The following GABRG3 variants were observed in gnomAD, a reference collection of about 807,000 sequenced individuals.
GABRG3 encodes the protein gamma-aminobutyric acid type A receptor subunit gamma3.
In GABRG3, 25 loss-of-function variants were observed where a neutral mutation model predicts 48.8. The ratio of observed to expected loss-of-function variants is 0.51; its 90% CI spans 0.37 to 0.72. GABRG3 has a LOEUF of 0.72. Among genes scored for constraint, GABRG3 ranks in the 30% least tolerant of loss-of-function variants. The pLI is 0.00. For missense variants in GABRG3, 394 were observed against 577.9 expected (o/e 0.68, Z 3.26); for synonymous variants, 227 against 217.6 (o/e 1.04, Z -0.38).
chr15:27,207,818 C>T (rs1355006268), intron 3 of GABRG3, among the ~76,000 whole-genome samples: 1 of 152,200 alleles, frequency 6.6e-6, no homozygotes, highest in Non-Finnish European at 1.5e-5. Flanking sequence ...ACCTCCTGCC[C>T]TGGCCACTGA....
At chr15:27,227,697 A>AG (rs1305830851) in intron 3 of GABRG3, among the ~76,000 whole-genome samples, 2 of 151,990 alleles carry the variant, frequency 1.3e-5, no homozygotes, top group Non-Finnish European at 2.9e-5. Flanking sequence ...GAAAAAAAAA[A>AG]GAAAACAACC....
chr15:27,440,387 C>T (rs1420247892), intron 5 of GABRG3, among the ~76,000 whole-genome samples: 1 of 152,114 alleles, frequency 6.6e-6, no homozygotes, highest in Non-Finnish European at 1.5e-5. Flanking sequence ...CCTTTTTTCT[C>T]CACCAAGCTA....
chr15:27,142,654 TG>T (rs1253293043), intron 3 of GABRG3, among the ~76,000 whole-genome samples: 1 of 152,216 alleles, frequency 6.6e-6, no homozygotes, highest in Non-Finnish European at 1.5e-5. Flanking sequence ...CTTTTCCCCT[TG>T]GTCAAATTTA....
intron 3 of GABRG3, among the ~76,000 whole-genome samples, chr15:27,130,908 GT>G (rs1224367956): frequency 2.4e-4 from 37 of 151,964 alleles, no homozygotes; most frequent in East Asian, 1.7e-3. Flanking sequence ...GTCCTAACAG[GT>G]TTTTTTCTTT....
chr15:27,530,805 G>A (rs1299560968), intron 9 of GABRG3: 1 of 442,822 alleles, frequency 2.3e-6, no homozygotes, highest in East Asian at 7.1e-5. Context: ...CACATAGCAA[G>A]GGACTACACA....
intron 5 of GABRG3, among the ~76,000 whole-genome samples, chr15:27,403,677 G>C (rs1213217213): frequency 6.6e-6 from 1 of 152,092 alleles, no homozygotes; most frequent in African/African-American, 2.4e-5. Context: ...CGCTTTGGGA[G>C]GCCGAGGTGG....
intron 3 of GABRG3, among the ~76,000 whole-genome samples, chr15:27,157,455 C>T (rs1467340095): frequency 6.6e-6 from 1 of 152,166 alleles, no homozygotes; most frequent in Non-Finnish European, 1.5e-5. Flanking sequence ...TCTTTAGGCC[C>T]TTCCCGTATT....
chr15:27,458,195 C>T (rs751614518), intron 5 of GABRG3, among the ~76,000 whole-genome samples: 2 of 152,174 alleles, frequency 1.3e-5, no homozygotes, highest in Non-Finnish European at 1.5e-5. Flanking sequence ...GTGATAAGTG[C>T]GGCCACCAAA....
At chr15:27,148,768 CA>C (rs1043480331) in intron 3 of GABRG3, among the ~76,000 whole-genome samples, 1 of 151,878 alleles carries the variant, frequency 6.6e-6, no homozygotes, top group African/African-American at 2.4e-5. Flanking sequence ...TCTCTATGGG[CA>C]GAAAAAATCA....
At chr15:27,502,291 T>C (rs1371909094) in intron 6 of GABRG3, among the ~76,000 whole-genome samples, 1 of 152,258 alleles carries the variant, frequency 6.6e-6, no homozygotes, top group African/African-American at 2.4e-5. Context: ...GGCTGTTTAA[T>C]GATTTTATTT....
intron 5 of GABRG3, among the ~76,000 whole-genome samples, chr15:27,455,219 A>G (rs1889226990): frequency 6.6e-6 from 1 of 152,242 alleles, no homozygotes; most frequent in Admixed American, 6.5e-5. Context: ...GTGGGCTAGC[A>G]GCATGAGGGG....
intron 2 of GABRG3, among the ~76,000 whole-genome samples, chr15:27,000,722 C>G (rs1895428274): frequency 6.6e-6 from 1 of 152,160 alleles, no homozygotes; most frequent in Non-Finnish European, 1.5e-5. Flanking sequence ...TTTCCTGAGA[C>G]TTCCTTAGAA....
intron 3 of GABRG3, among the ~76,000 whole-genome samples, chr15:27,140,399 G>A (rs1412767847): frequency 6.6e-6 from 1 of 152,198 alleles, no homozygotes; most frequent in Non-Finnish European, 1.5e-5. Context: ...GGGCACAGAA[G>A]TCTTCTGTGT....
chr15:27,122,958 A>G (rs1041543004), intron 3 of GABRG3, among the ~76,000 whole-genome samples: 2 of 152,206 alleles, frequency 1.3e-5, no homozygotes, highest in African/African-American at 4.8e-5. Flanking sequence ...CCCAAAGCCA[A>G]TCTGGCCCAC....
At chr15:27,177,633 A>G (rs985961664) in intron 3 of GABRG3, among the ~76,000 whole-genome samples, 1 of 152,248 alleles carries the variant, frequency 6.6e-6, no homozygotes, top group Admixed American at 6.5e-5. Context: ...TTGTGAGGTT[A>G]GAAGCAAGAT....
intron 3 of GABRG3, among the ~76,000 whole-genome samples, chr15:27,152,684 T>C (rs1450081344): frequency 6.6e-6 from 1 of 152,158 alleles, no homozygotes; most frequent in African/African-American, 2.4e-5. Flanking sequence ...TTTTCATATC[T>C]TTTGTCCCTT....
intron 3 of GABRG3, among the ~76,000 whole-genome samples, chr15:27,323,827 T>C (rs746529772): frequency 6.6e-6 from 1 of 152,180 alleles, no homozygotes; most frequent in Non-Finnish European, 1.5e-5. Flanking sequence ...CAAACTGCTC[T>C]GGATGCTTCT....
intron 3 of GABRG3, among the ~76,000 whole-genome samples, chr15:27,307,511 ATAGGTT>A (rs1233902696): frequency 8.7e-4 from 24 of 27,656 alleles, no homozygotes; most frequent in Non-Finnish European, 1.2e-3. Flanking sequence ...ATATATAAAC[ATAGGTT>A]TATAGGTTTA....
At chr15:27,190,854 G>A (rs1034617017) in intron 3 of GABRG3, among the ~76,000 whole-genome samples, 27 of 151,960 alleles carry the variant, frequency 1.8e-4, no homozygotes, top group Admixed American at 1.0e-3. Flanking sequence ...GCTTTCTCTC[G>A]TGGGCATTTA....
Sources: allele counts gnomAD v4.1 joint callset (sites outside exome capture counted in the v4.1 genomes callset), GRCh38; gene constraint gnomAD v4.1.1; transcripts MANE v1.5; gene names NCBI Gene and HGNC (gene_info 2026-07-23, HGNC 2026-07-21).